The following B4GALT5 variants were observed in gnomAD, a reference collection of about 807,000 sequenced individuals.
The protein encoded by B4GALT5 is beta-1,4-galactosyltransferase 5.
B4GALT5 carries 11 observed loss-of-function variants against 45.0 expected under a neutral mutation model. The observed-to-expected ratio is 0.24, with a 90% CI of 0.15 to 0.40. B4GALT5 has a LOEUF of 0.40. Among genes scored for constraint, B4GALT5 ranks in the 10% least tolerant of loss-of-function variants. The pLI is 1.00. For missense variants in B4GALT5, 337 were observed against 500.2 expected, an observed-to-expected ratio of 0.67 and a Z score of 3.11; for synonymous variants, 185 against 182.9, an observed-to-expected ratio of 1.01 and a Z score of -0.09.
chr20:49,641,740 G>A (rs552493993), intron 5 of B4GALT5, among the ~76,000 whole-genome samples: 6 of 152,246 alleles, frequency 3.9e-5, no homozygotes, highest in Non-Finnish European at 5.9e-5. Context: ...TCAGACTGAC[G>A]ATCAGTGTAT....
At chr20:49,707,913 CTTTTTTTT>C (rs757359416) in intron 1 of B4GALT5, among the ~76,000 whole-genome samples, 2 of 135,890 alleles carry the variant, frequency 1.5e-5, no homozygotes, top group South Asian at 2.3e-4. Context: ...CTTGCCCAGC[CTTTTTTTT>C]TTTTTTTTGT....
chr20:49,713,006 T>C (rs6122814), intron 1 of B4GALT5, among the ~76,000 whole-genome samples: 2,475 of 130,956 alleles, frequency 0.019, 36 homozygotes, highest in East Asian at 0.089. Flanking sequence ...GTGGATGTAA[T>C]AGGGGAAGTA....
intron 1 of B4GALT5, among the ~76,000 whole-genome samples, chr20:49,709,484 A>G (rs560983254): frequency 2.9e-4 from 44 of 151,842 alleles, no homozygotes; most frequent in African/African-American, 9.2e-4. Flanking sequence ...TACAAACACA[A>G]CTCCCGGCCA....
intron 1 of B4GALT5, among the ~76,000 whole-genome samples, chr20:49,695,573 G>A (rs1461957149): frequency 5.9e-5 from 9 of 152,144 alleles, no homozygotes; most frequent in East Asian, 1.9e-4. Flanking sequence ...CACCATGCCC[G>A]GCTAATTTTG....
chr20:49,686,200 A>G (rs1199022252), intron 1 of B4GALT5, among the ~76,000 whole-genome samples: 1 of 152,186 alleles, frequency 6.6e-6, no homozygotes, highest in Non-Finnish European at 1.5e-5. Context: ...TAATCTTCTA[A>G]GCTGTCTTTT....
intron 1 of B4GALT5, among the ~76,000 whole-genome samples, chr20:49,690,425 T>C (rs1232294630): frequency 6.6e-6 from 1 of 152,014 alleles, no homozygotes; most frequent in Admixed American, 6.6e-5. Flanking sequence ...GGTGCATGCC[T>C]GTAATCCCAG....
chr20:49,675,413 G>A (rs1352501126), intron 1 of B4GALT5, among the ~76,000 whole-genome samples: 4 of 152,096 alleles, frequency 2.6e-5, no homozygotes, highest in East Asian at 1.9e-4. Context: ...TTAACAAGAC[G>A]GCCACAGGGA....
intron 2 of B4GALT5, 38 bp downstream of exon 2, chr20:49,656,530 G>C: frequency 6.2e-7 from 1 of 1,609,596 alleles, no homozygotes; most frequent in South Asian, 1.1e-5. Flanking sequence ...CTTGGGAGGA[G>C]ACATTCTAAT....
At chr20:49,645,988 C>G (rs1046148052) in intron 3 of B4GALT5, among the ~76,000 whole-genome samples, 4 of 151,904 alleles carry the variant, frequency 2.6e-5, no homozygotes, top group Admixed American at 1.3e-4. Flanking sequence ...GAGTTCAAGA[C>G]CAGCCTGGGC....
intron 1 of B4GALT5, among the ~76,000 whole-genome samples, chr20:49,705,578 C>G (rs553393117): frequency 6.6e-6 from 1 of 152,286 alleles, no homozygotes; most frequent in East Asian, 1.9e-4. Context: ...AGCATGTCAC[C>G]ATTCTCACCG....
At chr20:49,705,412 C>T (rs78832651) in intron 1 of B4GALT5, among the ~76,000 whole-genome samples, 4,440 of 152,250 alleles carry the variant, frequency 0.029, 96 homozygotes, top group Middle Eastern at 0.068. Flanking sequence ...ATTTTCCCTC[C>T]CTTCCTTAGT....
intron 1 of B4GALT5, among the ~76,000 whole-genome samples, chr20:49,669,651 G>A (rs564914114): frequency 2.8e-4 from 42 of 149,550 alleles, no homozygotes; most frequent in East Asian, 7.9e-4. Context: ...AGCTAAGATC[G>A]CGCCATTGCA....
chr20:49,637,161 A>G (rs1229152250), intron 8 of B4GALT5, among the ~76,000 whole-genome samples, 180 bp downstream of exon 8: 1 of 152,198 alleles, frequency 6.6e-6, no homozygotes, highest in Non-Finnish European at 1.5e-5. Flanking sequence ...AATGTTCACC[A>G]ACGGTCTGAT....
At chr20:49,712,446 G>C (rs1366199540) in intron 1 of B4GALT5, among the ~76,000 whole-genome samples, 1 of 138,840 alleles carries the variant, frequency 7.2e-6, no homozygotes, top group Non-Finnish European at 1.6e-5. Context: ...TCTTATAAAA[G>C]ACTATGCTTG....
chr20:49,659,887 AT>A (rs1259985144), intron 1 of B4GALT5, among the ~76,000 whole-genome samples: 8 of 150,842 alleles, frequency 5.3e-5, no homozygotes, highest in Non-Finnish European at 1.2e-4. Context: ...AGTGATTCTC[AT>A]ACCTCAGCCT....
chr20:49,655,801 C>T (rs558844920), intron 2 of B4GALT5, among the ~76,000 whole-genome samples: 2 of 151,976 alleles, frequency 1.3e-5, no homozygotes, highest in South Asian at 4.2e-4. Flanking sequence ...TGGTGGCATG[C>T]TCCTGTAATC....
chr20:49,690,609 TATTCCTGAAGCTAA>T (rs2085806629), intron 1 of B4GALT5, among the ~76,000 whole-genome samples: 1 of 151,566 alleles, frequency 6.6e-6, no homozygotes, highest in African/African-American at 2.4e-5. Context: ...AATGAAACCA[TATTCCTGAAGCTAA>T]ATTTAATACT....
At chr20:49,685,564 T>G (rs2085781832) in intron 1 of B4GALT5, among the ~76,000 whole-genome samples, 1 of 152,210 alleles carries the variant, frequency 6.6e-6, no homozygotes, top group Non-Finnish European at 1.5e-5. Context: ...TGGATCCCAG[T>G]GCTCACCGGA....
chr20:49,665,191 G>A (rs2085684109), intron 1 of B4GALT5, among the ~76,000 whole-genome samples: 1 of 152,012 alleles, frequency 6.6e-6, no homozygotes, highest in South Asian at 2.1e-4. Flanking sequence ...GCCTAAGCAG[G>A]AGGATCACTT....
Sources: gnomAD v4.1 joint callset for allele counts (sites outside exome capture counted in the v4.1 genomes callset) on GRCh38, gnomAD v4.1.1 for gene constraint, MANE v1.5 for transcripts, NCBI Gene and HGNC (gene_info 2026-07-23, HGNC 2026-07-21) for gene names.